MAP3K3: variants seen among roughly 807,000 people sequenced by gnomAD.
MAP3K3 encodes the protein mitogen-activated protein kinase kinase kinase 3, also known as MAP/ERK kinase kinase 3.
A neutral mutation model predicts 80.9 loss-of-function variants in MAP3K3; 12 were observed. That is an observed-to-expected ratio of 0.15 (90% confidence interval 0.10 to 0.24). The LOEUF (loss-of-function observed/expected upper bound fraction) is 0.24, where lower values mean the gene tolerates loss of function less well. Among genes scored for constraint, MAP3K3 ranks in the 10% least tolerant of loss-of-function variants. MAP3K3 has a pLI of 1.00. For synonymous variants in MAP3K3, 272 were observed against 307.1 expected, an observed-to-expected ratio of 0.89 and a Z score of 1.19; for missense variants, 596 against 834.7, an observed-to-expected ratio of 0.71 and a Z score of 3.52.
At chr17:63,636,192 CT>C (rs1255156917) in intron 2 of MAP3K3, among the ~76,000 whole-genome samples, 2 of 152,198 alleles carry the variant, frequency 1.3e-5, no homozygotes, top group Non-Finnish European at 2.9e-5. Context: ...TTGAGACATC[CT>C]TTTCCCTAAG....
chr17:63,687,857 G>T (rs2035491395), intron 8 of MAP3K3, among the ~76,000 whole-genome samples: 1 of 151,840 alleles, frequency 6.6e-6, no homozygotes, highest in Non-Finnish European at 1.5e-5. Flanking sequence ...AGAATCGCTT[G>T]AACCCGCGAG....
chr17:63,643,187 C>T (rs374259002), intron 2 of MAP3K3, among the ~76,000 whole-genome samples: 8 of 151,746 alleles, frequency 5.3e-5, no homozygotes, highest in Admixed American at 2.6e-4. Flanking sequence ...AAGAAATATA[C>T]CATACTAATG....
intron 5 of MAP3K3, among the ~76,000 whole-genome samples, chr17:63,660,372 C>CT (rs796191998): frequency 0.022 from 3,189 of 142,210 alleles, 107 homozygotes; most frequent in African/African-American, 0.076. Context: ...CTTGGCTTTT[C>CT]TTTTTTTTTT....
In MAP3K3 at chr17:63,685,692, A is replaced by G. The variant is rs998450594; in HGVS notation, c.710+102A>G. 1.2e-5 allele frequency: 11 copies of G among 908,538 alleles called. No homozygotes were observed. The African/African-American group carries it at 1.6e-4, about 14-fold the overall frequency. The allele number at this position is 908,538 out of a possible 1,614,324, so 56.3% of individuals were successfully genotyped here. A position where few individuals can be genotyped will look rare whatever the true frequency, so the allele number is the denominator to read the frequency against. ...TCTGGAGGCCCAGGGTTAAAACATC[A>G]TGCTTCTAGGAAAAGCCTTCTCCTT... On this transcript the variant is annotated intron_variant, in intron 8 of 15. Transcript: ENST00000361733.
intron 5 of MAP3K3, among the ~76,000 whole-genome samples, chr17:63,658,547 T>G (rs545198378): frequency 6.6e-6 from 1 of 152,328 alleles, no homozygotes; most frequent in East Asian, 1.9e-4. Flanking sequence ...TGTCTTCCAA[T>G]TACTGATTCT....
chr17:63,694,350 G>C lies in MAP3K3; in HGVS notation c.*573G>C, dbSNP rs2035651247. 1 of 152,674 alleles carries C rather than the reference G, an allele frequency of 6.5e-6. No homozygotes were observed. The highest frequency in any genetic ancestry group is 1.5e-5 in the Non-Finnish European group (1 of 68,082). 9.5% of individuals were successfully genotyped at this position (152,674 alleles called of 1,614,324 possible). On this transcript the variant is annotated 3_prime_UTR_variant, in exon 16 of 16. Coordinates refer to ENST00000361733, the MANE Select transcript of MAP3K3 (RefSeq NM_002401.5). ...GTCCTGTCCTTTACCAAAGATGAAT[G>C]AAGCAAATGTCATGCTGCCTTATTC... is the stretch of plus-strand genomic sequence containing the variant.
At chr17:63,673,989 A>T (rs555626894) in intron 6 of MAP3K3, among the ~76,000 whole-genome samples, 1 of 151,756 alleles carries the variant, frequency 6.6e-6, no homozygotes, top group Non-Finnish European at 1.5e-5. Flanking sequence ...CTGAGGTGGG[A>T]CAATCACTTG....
Position 63,694,636 on chromosome 17 carries a change from C to T in MAP3K3, c.*859C>T, listed in dbSNP as rs1330051782. 1 of 152,724 alleles carries T rather than the reference C, an allele frequency of 6.5e-6. No homozygotes were observed. Among genetic ancestry groups the T allele is most frequent in the Non-Finnish European group, 1.5e-5 (1 of 68,134 alleles). 9.5% of individuals were successfully genotyped at this position (152,724 alleles called of 1,614,324 possible). Reference sequence around the variant, plus strand: ...AGCTGAAGGTTGTGGCCTTTGCGCTCCTGGCCCAGCCTTTGTTCCCCACTG... The same window carrying T: ...AGCTGAAGGTTGTGGCCTTTGCGCTTCTGGCCCAGCCTTTGTTCCCCACTG... On this transcript the variant is annotated 3_prime_UTR_variant, in exon 16 of 16. Coordinates refer to ENST00000361733, the MANE Select transcript of MAP3K3 (RefSeq NM_002401.5).
In MAP3K3 at chr17:63,689,040, A is replaced by G; in HGVS notation, c.871+159A>G. ...GGGAGACAGGAAAAAAACAAAAACA[A>G]AAACAGGGAAGATAGTATTTGTAGA... On this transcript the variant is annotated intron_variant, in intron 10 of 15. Coordinates refer to ENST00000361733, the MANE Select transcript of MAP3K3 (RefSeq NM_002401.5). The surrounding 1 kb of genome is among the most constrained non-coding windows in gnomAD (Gnocchi z 4.3). 1.6e-6 allele frequency: 1 copy of G among 615,416 alleles called. No individual in the cohort carries two copies. The highest frequency in any genetic ancestry group is 2.9e-6 in the Non-Finnish European group (1 of 346,998). The allele number at this position is 615,416 out of a possible 1,614,324, so 38.1% of individuals were successfully genotyped here. A position where few individuals can be genotyped will look rare whatever the true frequency, so the allele number is the denominator to read the frequency against.
At chr17:63,667,085 C>A in intron 6 of MAP3K3, 25 bp downstream of exon 6, 1 of 1,559,310 alleles carries the variant, frequency 6.4e-7, no homozygotes, top group Non-Finnish European at 8.6e-7. Context: ...CCTTTTTTCT[C>A]CCCCTCTATT....
Position 63,689,357 on chromosome 17 carries a change from C to T in MAP3K3, c.872-187C>T. On this transcript the variant is annotated intron_variant, in intron 10 of 15. Coordinates refer to ENST00000361733, the MANE Select transcript of MAP3K3 (RefSeq NM_002401.5). The surrounding 1 kb of genome is among the most constrained non-coding windows in gnomAD (Gnocchi z 4.3). ...TTCTTGGAGTGCTTGGGACAGCAGC[C>T]TCTGTGGAATGAGTCAGGTGGGAGT... The T allele has an allele frequency of 1.7e-6, 1 of 592,038 alleles. No individual in the cohort carries two copies. The highest frequency in any genetic ancestry group is 2.1e-5 in the South Asian group (1 of 48,318). The allele number at this position is 592,038 out of a possible 1,614,324, so 36.7% of individuals were successfully genotyped here. A position where few individuals can be genotyped will look rare whatever the true frequency, so the allele number is the denominator to read the frequency against.
intron 6 of MAP3K3, among the ~76,000 whole-genome samples, chr17:63,677,737 C>T (rs1405067703): frequency 1.3e-5 from 2 of 152,196 alleles, no homozygotes; most frequent in African/African-American, 4.8e-5. Context: ...GGATGTGGCT[C>T]ACACCTGTAA....
Position 63,679,631 on chromosome 17 carries a change from C to T in MAP3K3, c.503-2135C>T, listed in dbSNP as rs114786686. On this transcript the variant is annotated intron_variant, in intron 6 of 15. Coordinates refer to ENST00000361733, the MANE Select transcript of MAP3K3 (RefSeq NM_002401.5). ...CCAAGTAGCTGGGTCCACAAGTGTG[C>T]GCCTGGCTAATTTTTAAAATATTTT... Among the ~76,000 whole-genome samples the T allele has an allele frequency of 6.5e-4, 99 of 152,178 alleles. 1 individual carries two copies. Among genetic ancestry groups the T allele is most frequent in the African/African-American group, 2.2e-3 (91 of 41,528 alleles).
In MAP3K3 at chr17:63,657,804, T is replaced by A. The variant is rs751544538; in HGVS notation, c.278T>A (p.Leu93Gln). The change falls in exon 5 of 16, where the codon CTG becomes CAG. Residue 93 changes from leucine to glutamine, a missense_variant. Transcript: ENST00000361733. ...TGTCTTGTATCACAGCTCTCCATCC[T>A]GCTGAAAAACCAAGATGATCTTGAT... Reference protein sequence around the residue: ...LHYMNNELSILLKNQDDLDKA... With the variant: ...LHYMNNELSIQLKNQDDLDKA... 6.4e-7 allele frequency: 1 copy of A among 1,573,296 alleles called. No individual in the cohort carries two copies. Among genetic ancestry groups the A allele is most frequent in the Admixed American group, 1.7e-5 (1 of 59,214 alleles).
Position 63,693,913 on chromosome 17 carries a change from C to A in MAP3K3, c.*136C>A. On this transcript the variant is annotated 3_prime_UTR_variant, in exon 16 of 16. Coordinates refer to ENST00000361733, the MANE Select transcript of MAP3K3 (RefSeq NM_002401.5). The surrounding 1 kb of genome is among the most constrained non-coding windows in gnomAD (Gnocchi z 4.2). ...GCAGCCCAGCCAGCGTCGGTCTGTG[C>A]CCCTTCCGCCACTGGGGCTCAGAGC... 1.4e-6 allele frequency: 1 copy of A among 705,804 alleles called. No homozygotes were observed. The highest frequency in any genetic ancestry group is 2.2e-6 in the Non-Finnish European group (1 of 447,238). The allele number at this position is 705,804 out of a possible 1,614,324, so 43.7% of individuals were successfully genotyped here. A position where few individuals can be genotyped will look rare whatever the true frequency, so the allele number is the denominator to read the frequency against.
intron 6 of MAP3K3, among the ~76,000 whole-genome samples, chr17:63,668,545 A>C (rs992416): frequency 0.28 from 42,697 of 151,958 alleles, 6,418 homozygotes; most frequent in Middle Eastern, 0.37. Flanking sequence ...GAGGGGATGG[A>C]GGTGGGCAGC....
intron 2 of MAP3K3, among the ~76,000 whole-genome samples, chr17:63,635,626 A>G (rs1233752069): frequency 6.6e-6 from 1 of 152,196 alleles, no homozygotes; most frequent in East Asian, 1.9e-4. Context: ...GATGTTGGGG[A>G]GAGGTATTTA....
At chr17:63,686,766 G>A (rs1459210550) in intron 8 of MAP3K3, among the ~76,000 whole-genome samples, 1 of 152,178 alleles carries the variant, frequency 6.6e-6, no homozygotes, top group East Asian at 1.9e-4. Flanking sequence ...CTCTGTGCCT[G>A]CAGTACTTTG....
At chr17:63,628,637 G>A (rs993546868) in intron 1 of MAP3K3, among the ~76,000 whole-genome samples, 2 of 152,190 alleles carry the variant, frequency 1.3e-5, no homozygotes, top group Non-Finnish European at 2.9e-5. Context: ...TGGGATTACA[G>A]GCGTGAGCCC....
Sources: gnomAD v4.1 joint callset for allele counts (sites outside exome capture counted in the v4.1 genomes callset) on GRCh38, gnomAD v4.1.1 for gene constraint, Gnocchi (gnomAD v3.1) non-coding constraint, MANE v1.5 for transcripts, NCBI Gene and HGNC (gene_info 2026-07-23, HGNC 2026-07-21) for gene names.